Variants in NRG1 observed in about 807,000 individuals in gnomAD.
NRG1 encodes the protein pro-neuregulin-1, membrane-bound isoform.
NRG1 carries 18 observed loss-of-function variants against 63.8 expected under a neutral mutation model. The ratio of observed to expected loss-of-function variants is 0.28; its 90% confidence interval spans 0.19 to 0.42. NRG1 has a LOEUF of 0.42. NRG1 is among the 10% of genes least tolerant of loss of function. The pLI is 1.00. For missense variants in NRG1, 762 were observed against 814.7 expected (o/e 0.94, Z 0.79); for synonymous variants, 302 against 301.3 (o/e 1.00, Z -0.02).
intron 3 of NRG1, among the ~76,000 whole-genome samples, chr8:32,607,356 G>A (rs1845444708): frequency 6.6e-6 from 1 of 152,034 alleles, no homozygotes; most frequent in Non-Finnish European, 1.5e-5. Flanking sequence ...GGTTCAGTGT[G>A]TTTCCTCATA....
chr8:32,206,444 T>A (rs1414651359), intron 1 of NRG1, among the ~76,000 whole-genome samples: 1 of 152,230 alleles, frequency 6.6e-6, no homozygotes, highest in Non-Finnish European at 1.5e-5. Context: ...CAAATACCTC[T>A]ATAAATTCTC....
intron 1 of NRG1, among the ~76,000 whole-genome samples, chr8:32,489,508 G>A (rs568767710): frequency 6.6e-6 from 1 of 152,198 alleles, no homozygotes; most frequent in Admixed American, 6.5e-5. Flanking sequence ...GTTAGGGCGG[G>A]GGGCACTGTC....
chr8:31,746,562 C>G (rs1180525305), intron 1 of NRG1, among the ~76,000 whole-genome samples: 1 of 151,760 alleles, frequency 6.6e-6, no homozygotes, highest in Non-Finnish European at 1.5e-5. Flanking sequence ...ACAGGTAGGC[C>G]CGATACAAGA....
At chr8:32,484,723 T>C (rs1825709330) in intron 1 of NRG1, among the ~76,000 whole-genome samples, 1 of 152,210 alleles carries the variant, frequency 6.6e-6, no homozygotes, top group African/African-American at 2.4e-5. Context: ...TTTCTGTTTC[T>C]TTTTACAGAA....
At chr8:32,495,922 C>T (rs1827153061) in intron 1 of NRG1, among the ~76,000 whole-genome samples, 1 of 152,198 alleles carries the variant, frequency 6.6e-6, no homozygotes, top group Non-Finnish European at 1.5e-5. Flanking sequence ...CTTTCTCTAA[C>T]TTGTGAAATA....
intron 1 of NRG1, among the ~76,000 whole-genome samples, chr8:32,430,631 G>A (rs575836364): frequency 5.9e-4 from 90 of 152,278 alleles, no homozygotes; most frequent in African/African-American, 2.0e-3. Context: ...TGAAAATGAG[G>A]ACTGTGCATT....
chr8:31,896,170 T>C lies in NRG1; in HGVS notation c.37+256739T>C, dbSNP rs1206560397. On this transcript the variant is annotated intron_variant, in intron 1 of 10. Transcript: ENST00000519301. Reference sequence around the variant, plus strand: ...CCAGAGCTGCTTTAAATGACAATAGTGTATGGAATTCATTATAGTAGAATC... The same window carrying C: ...CCAGAGCTGCTTTAAATGACAATAGCGTATGGAATTCATTATAGTAGAATC... Among the ~76,000 whole-genome samples the C allele has an allele frequency of 2.0e-5, 3 of 152,192 alleles. 1 individual carries two copies. Among genetic ancestry groups the C allele is most frequent in the Non-Finnish European group, 4.4e-5 (3 of 68,032 alleles).
At chr8:31,994,504 G>C (rs973721040) in intron 1 of NRG1, among the ~76,000 whole-genome samples, 3 of 151,236 alleles carry the variant, frequency 2.0e-5, no homozygotes, top group African/African-American at 7.3e-5. Context: ...AATTTAAAAA[G>C]TTAGTTGGGC....
At chr8:32,613,558 A>G (rs1563768666) in intron 3 of NRG1, among the ~76,000 whole-genome samples, 1 of 152,070 alleles carries the variant, frequency 6.6e-6, no homozygotes, top group African/African-American at 2.4e-5. Context: ...ATAAAATTAT[A>G]TATGACCTGC....
intron 1 of NRG1, among the ~76,000 whole-genome samples, chr8:32,190,413 T>C (rs1369673320): frequency 6.6e-6 from 1 of 152,106 alleles, no homozygotes; most frequent in Non-Finnish European, 1.5e-5. Context: ...TCCTGAGCTT[T>C]TTCTTGAGCA....
In NRG1 at chr8:32,732,993, G is replaced by A. The variant is rs192053513; in HGVS notation, c.632+4915G>A. Among the ~76,000 whole-genome samples, 860 of 151,802 alleles carry A rather than the reference G, an allele frequency of 5.7e-3. 4 individuals carry two copies. The highest frequency in any genetic ancestry group is 9.0e-3 in the South Asian group (43 of 4,792). On this transcript the variant is annotated intron_variant, in intron 6 of 11. Transcript: ENST00000356819. ...CAGCTGATTTTTTGTATTTAGTAGC[G>A]ACAGGGTTTCACCACGTTGGTCAGG...
At chr8:32,470,037 T>TC (rs1196857340) in intron 1 of NRG1, among the ~76,000 whole-genome samples, 1 of 150,004 alleles carries the variant, frequency 6.7e-6, no homozygotes, top group Non-Finnish European at 1.5e-5. Flanking sequence ...CTAATTTTTT[T>TC]TTTTTTTTTT....
At position 32,270,079 on chromosome 8, in the gene NRG1, A is replaced by G. The variant is rs16879069; in HGVS notation, c.38-325749A>G. Reference sequence around the variant, plus strand: ...AATACCCATAATAAACACAGAATCCATCATTATGTTAAATGCCACTGTGAT... The same window carrying G: ...AATACCCATAATAAACACAGAATCCGTCATTATGTTAAATGCCACTGTGAT... On this transcript the variant is annotated intron_variant, in intron 1 of 10. Transcript: ENST00000519301. Among the ~76,000 whole-genome samples the G allele has an allele frequency of 3.1e-3, 478 of 152,320 alleles. 2 individuals carry two copies. The highest frequency in any genetic ancestry group is 0.011 in the African/African-American group (447 of 41,574).
At chr8:31,995,923 G>A (rs764673892) in intron 1 of NRG1, among the ~76,000 whole-genome samples, 3 of 151,496 alleles carry the variant, frequency 2.0e-5, no homozygotes, top group Non-Finnish European at 2.9e-5. Flanking sequence ...TTCTATTTCC[G>A]TATTCCCTAT....
chr8:32,549,653 A>G (rs777145646), intron 1 of NRG1, among the ~76,000 whole-genome samples: 5 of 152,214 alleles, frequency 3.3e-5, no homozygotes, highest in Non-Finnish European at 7.3e-5. Flanking sequence ...TAAAATGGCA[A>G]TTGAAGCTTT....
intron 5 of NRG1, among the ~76,000 whole-genome samples, chr8:32,676,093 A>G (rs1298460121): frequency 2.0e-5 from 3 of 152,224 alleles, no homozygotes; most frequent in African/African-American, 7.2e-5. Context: ...GTCATAACAG[A>G]TGAGTGTTGC....
At chr8:31,999,685 G>C (rs1025649523) in intron 1 of NRG1, among the ~76,000 whole-genome samples, 1 of 151,842 alleles carries the variant, frequency 6.6e-6, no homozygotes, top group Admixed American at 6.6e-5. Context: ...ATAAAGCACT[G>C]AGTTAAAGAG....
At chr8:32,355,741 G>C (rs557040686) in intron 1 of NRG1, among the ~76,000 whole-genome samples, 81 of 151,786 alleles carry the variant, frequency 5.3e-4, no homozygotes, top group Admixed American at 9.2e-4. Context: ...CCTTGATGTT[G>C]TCTTTATAAG....
At chr8:32,032,222 T>C (rs1374896312) in intron 1 of NRG1, among the ~76,000 whole-genome samples, 1 of 152,166 alleles carries the variant, frequency 6.6e-6, no homozygotes, top group Non-Finnish European at 1.5e-5. Context: ...ACTTTTTTCA[T>C]ATGTTTGTTA....
Sources: allele counts gnomAD v4.1 joint callset (sites outside exome capture counted in the v4.1 genomes callset), GRCh38; gene constraint gnomAD v4.1.1; transcripts MANE v1.5; gene names NCBI Gene and HGNC (gene_info 2026-07-23, HGNC 2026-07-21).